The following F11 variants were observed in gnomAD, a reference collection of about 807,000 sequenced individuals.
F11 encodes the protein coagulation factor XI, also known as coagualtion factor XI.
In F11, 78 loss-of-function variants were observed where a neutral mutation model predicts 76.5. The observed-to-expected ratio is 1.02, with a 90% CI of 0.85 to 1.23. The LOEUF is 1.23. Among genes scored for constraint, F11 ranks in the 50% most tolerant of loss-of-function variants. F11 has a pLI of 0.00. For missense variants in F11, 742 were observed against 771.4 expected, an observed-to-expected ratio of 0.96 and a Z score of 0.45; for synonymous variants, 278 against 276.3, an observed-to-expected ratio of 1.01 and a Z score of -0.06.
intron 2 of F11, 23 bp downstream of exon 2, chr4:186,267,214 TA>T: frequency 7.0e-7 from 1 of 1,428,624 alleles, no homozygotes; most frequent in East Asian, 2.3e-5. Flanking sequence ...TTATCTTAAC[TA>T]TGGGCTGGGA....
intron 13 of F11, chr4:186,286,854 C>T (rs1561491704): frequency 3.2e-6 from 1 of 312,290 alleles, no homozygotes; most frequent in Non-Finnish European, 4.7e-6. Context: ...ACTTAATTAA[C>T]ATTAACAAAA....
intron 10 of F11, chr4:186,282,364 T>C (rs1740869598): frequency 1.0e-6 from 1 of 985,276 alleles, no homozygotes; most frequent in African/African-American, 1.7e-5. Flanking sequence ...GGGAGTGAAT[T>C]AGATAACTAG....
intron 10 of F11, 95 bp from the exon 11 acceptor site, chr4:186,283,997 C>A: frequency 6.3e-7 from 1 of 1,595,012 alleles, no homozygotes; most frequent in African/African-American, 1.3e-5. Context: ...AAACTATTGA[C>A]TTGAGGAAAG....
intron 5 of F11, chr4:186,274,941 A>G (rs952389983): frequency 1.6e-5 from 3 of 182,610 alleles, no homozygotes; most frequent in African/African-American, 7.1e-5. Flanking sequence ...GCGTTTTAAC[A>G]TTGGATTTTA....
chr4:186,271,358 C>T (rs1739938833), intron 2 of F11, among the ~76,000 whole-genome samples: 1 of 152,224 alleles, frequency 6.6e-6, no homozygotes, highest in Admixed American at 6.5e-5. Flanking sequence ...CCTCAAAGCA[C>T]TCCTTGTCTC....
chr4:186,266,492 G>A (rs772438901), intron 1 of F11, among the ~76,000 whole-genome samples, 197 bp downstream of exon 1: 1 of 152,204 alleles, frequency 6.6e-6, no homozygotes, highest in East Asian at 1.9e-4. Flanking sequence ...CAACAGAAGA[G>A]TAACAGTGTC....
At position 186,288,654 on chromosome 4, in the gene F11, G is replaced by A; in HGVS notation, c.*40G>A. 6.3e-7 allele frequency: 1 copy of A among 1,591,798 alleles called. No homozygotes were observed. Among genetic ancestry groups the A allele is most frequent in the Non-Finnish European group, 8.6e-7 (1 of 1,167,656 alleles). Reference sequence around the variant, plus strand: ...GCCATTGGAGTCCCTGAAGGACCCAGGATTTGCTGGGAGAGGGTGTTGAGT... The same window carrying A: ...GCCATTGGAGTCCCTGAAGGACCCAAGATTTGCTGGGAGAGGGTGTTGAGT... On this transcript the variant is annotated 3_prime_UTR_variant, in exon 15 of 15. Transcript: ENST00000403665.
chr4:186,276,672 C>T (rs370880538), intron 7 of F11, among the ~76,000 whole-genome samples: 20 of 147,872 alleles, frequency 1.4e-4, no homozygotes, highest in African/African-American at 4.2e-4. Context: ...CTGCAACCTT[C>T]GCCTCCCAGG....
intron 5 of F11, chr4:186,275,215 G>A: frequency 2.2e-6 from 1 of 456,362 alleles, no homozygotes; most frequent in Non-Finnish European, 4.4e-6. Flanking sequence ...ACTTAGCCAG[G>A]CGCGGTGGCT....
In F11 at chr4:186,288,438, C is replaced by G. The variant is rs374968287; in HGVS notation, c.1717-15C>G. On this transcript the variant is annotated splice_polypyrimidine_tract_variant and intron_variant, in intron 14 of 14. Coordinates refer to ENST00000403665, the MANE Select transcript of F11 (RefSeq NM_000128.4). ...AGTTGATCTGTGCACCTTTTCTTGTCTCCCCTCGTTCTAGGGAGATTCGGG... is the reference window on the plus strand; with the variant it reads ...AGTTGATCTGTGCACCTTTTCTTGTGTCCCCTCGTTCTAGGGAGATTCGGG... 4.2e-5 allele frequency: 67 copies of G among 1,613,884 alleles called. No homozygotes were observed. Among genetic ancestry groups the G allele is most frequent in the Admixed American group, 8.3e-5 (5 of 59,998 alleles).
Position 186,288,686 on chromosome 4 carries a change from T to G in F11, c.*72T>G. 1 of 1,509,576 alleles carries G rather than the reference T, an allele frequency of 6.6e-7. No homozygotes were observed. The highest frequency in any genetic ancestry group is 9.1e-7 in the Non-Finnish European group (1 of 1,103,842). 93.5% of individuals were successfully genotyped at this position (1,509,576 alleles called of 1,614,324 possible). ...CTGGGAGAGGGTGTTGAGTTCACTG[T>G]GCCAGCATGCTTCCTCCACAGTAAC... On this transcript the variant is annotated 3_prime_UTR_variant, in exon 15 of 15. Transcript: ENST00000403665.
Position 186,288,572 on chromosome 4 carries a change from C to A in F11, c.1836C>A (p.Val612=). The A allele has an allele frequency of 1.2e-6, 2 of 1,614,070 alleles. No homozygotes were observed. Among genetic ancestry groups the A allele is most frequent in the South Asian group, 2.2e-5 (2 of 91,038 alleles). ...GGCCAGGTGTTTACACCAACGTGGT[C>A]GAGTACGTGGACTGGATTCTGGAGA... The part of the protein sequence containing the change: ...RERPGVYTNV[V]EYVDWILEKT... Residue 612 remains valine, a synonymous_variant, in exon 15 of 15, where the codon GTC becomes GTA. Transcript: ENST00000403665.
rs541696017 is a variant in F11, at chr4:186,272,264, G to A, written c.218+493G>A. On this transcript the variant is annotated intron_variant, in intron 3 of 14. Transcript: ENST00000403665. ...ATACAATACCTATATTTGTATACAT[G>A]TTTAACCGTTTGAAATAATTTTAAA... Among the ~76,000 whole-genome samples, 9 of 152,184 alleles carry A rather than the reference G, an allele frequency of 5.9e-5. No homozygotes were observed. The South Asian group carries it at 1.9e-3, about 32-fold the overall frequency.
chr4:186,270,916 G>T (rs1224224655), intron 2 of F11, among the ~76,000 whole-genome samples: 1 of 147,150 alleles, frequency 6.8e-6, no homozygotes, highest in African/African-American at 2.5e-5. Context: ...ATGTTGCCCA[G>T]GCTGGTCTTG....
chr4:186,275,931 A>G (rs759095254), intron 6 of F11, 35 bp downstream of exon 6: 25 of 1,476,446 alleles, frequency 1.7e-5, no homozygotes, highest in Non-Finnish European at 2.1e-5. Flanking sequence ...TAATTCAACC[A>G]TTAAATATGC....
At chr4:186,284,019 G>C in intron 10 of F11, 73 bp from the exon 11 acceptor site, 1 of 1,611,384 alleles carries the variant, frequency 6.2e-7, no homozygotes, top group South Asian at 1.1e-5. Context: ...TTTTCTTCTT[G>C]TTCCTGAAGG....
chr4:186,287,725 G>A lies in F11; in HGVS notation c.1618G>A (p.Val540Met), dbSNP rs756000257. The A allele has an allele frequency of 1.2e-6, 2 of 1,613,474 alleles. No homozygotes were observed. Among genetic ancestry groups the A allele is most frequent in the Non-Finnish European group, 1.7e-6 (2 of 1,179,772 alleles). ...TCTCCAGAAAGCCAAGATACCCTTA[G>A]TGACCAACGAAGAGTGCCAGAAGAG... ...NTLQKAKIPL[V>M]TNEECQKRYR... Residue 540 changes from valine (V) to methionine (M), a missense_variant, in exon 14 of 15, where the codon GTG becomes ATG. Transcript: ENST00000403665.
Position 186,287,253 on chromosome 4 carries a change from C to T in F11, c.1577-431C>T, listed in dbSNP as rs550930376. Among the ~76,000 whole-genome samples the T allele has an allele frequency of 4.6e-5, 7 of 151,926 alleles. No individual in the cohort carries two copies. The South Asian group carries it at 1.0e-3, about 23-fold the overall frequency. ...CCTTCCAAAGTGCTGGAATTACAGGCGTGAGCCCCCACACCCGTCCATGAT... is the reference window on the plus strand; with the variant it reads ...CCTTCCAAAGTGCTGGAATTACAGGTGTGAGCCCCCACACCCGTCCATGAT... On this transcript the variant is annotated intron_variant, in intron 13 of 14. Transcript: ENST00000403665.
chr4:186,288,438 C>T lies in F11; in HGVS notation c.1717-15C>T, dbSNP rs374968287. 1.9e-6 allele frequency: 3 copies of T among 1,614,002 alleles called. No individual in the cohort carries two copies. Among genetic ancestry groups the T allele is most frequent in the Non-Finnish European group, 2.5e-6 (3 of 1,179,908 alleles). On this transcript the variant is annotated splice_polypyrimidine_tract_variant and intron_variant, in intron 14 of 14. Coordinates refer to ENST00000403665, the MANE Select transcript of F11 (RefSeq NM_000128.4). ...AGTTGATCTGTGCACCTTTTCTTGT[C>T]TCCCCTCGTTCTAGGGAGATTCGGG...
Sources: allele counts gnomAD v4.1 joint callset (sites outside exome capture counted in the v4.1 genomes callset), GRCh38; gene constraint gnomAD v4.1.1; transcripts MANE v1.5; gene names NCBI Gene and HGNC (gene_info 2026-07-23, HGNC 2026-07-21).